The following NEURL3 variants were observed in gnomAD, a reference collection of about 807,000 sequenced individuals.
NEURL3 encodes neuralized E3 ubiquitin protein ligase 3, also known as E3 ubiquitin-protein ligase NEURL3.
NEURL3 carries 19 observed loss-of-function variants against 17.6 expected under a neutral mutation model. The ratio of observed to expected loss-of-function variants is 1.08; its 90% confidence interval spans 0.75 to 1.58. The LOEUF (loss-of-function observed/expected upper bound fraction) is 1.58, where lower values mean the gene tolerates loss of function less well. Among genes scored for constraint, NEURL3 ranks in the 40% most tolerant of loss-of-function variants. The pLI, the probability that NEURL3 is intolerant of heterozygous loss-of-function variation, is 0.00. For synonymous variants in NEURL3, 180 were observed against 161.4 expected (o/e 1.11, Z -0.87); for missense variants, 342 against 379.6 (o/e 0.90, Z 0.82).
At position 96,498,601 on chromosome 2, in the gene NEURL3, AAG is replaced by A; in HGVS notation, c.587-157_587-156del. 1 of 319,436 alleles carries A rather than the reference AAG, an allele frequency of 3.1e-6. No individual in the cohort carries two copies. Among genetic ancestry groups the A allele is most frequent in the Non-Finnish European group, 4.5e-6 (1 of 221,394 alleles). 19.8% of individuals were successfully genotyped at this position (319,436 alleles called of 1,614,324 possible). A position where few individuals can be genotyped will look rare whatever the true frequency, so the allele number is the denominator to read the frequency against. ...GCTTACAGTGTAATCAAGTGAAAAA[AAG>A]GGGGAAGAAAACCATTTTTTATATA... On this transcript the variant is annotated intron_variant, in intron 3 of 3. Transcript: ENST00000451794. The surrounding 1 kb of genome is among the most constrained non-coding windows in gnomAD (Gnocchi z 4.4).
upstream of NEURL3, among the ~76,000 whole-genome samples, chr2:96,506,043 C>T (rs557933569): frequency 6.9e-4 from 105 of 152,288 alleles, no homozygotes; most frequent in African/African-American, 2.3e-3. Context: ...TATTCTAGCC[C>T]GTCAATATTT....
Position 96,498,208 on chromosome 2 carries a change from A to C in NEURL3, c.*36T>G. ...CTCTGCAGGGGCCAGACTCAGATCT[A>C]GGCCCGGGCTGCCACTCATACTGGG... On this transcript the variant is annotated 3_prime_UTR_variant, in exon 4 of 4. Coordinates refer to ENST00000451794, the MANE Select transcript of NEURL3 (RefSeq NM_001285485.2). The surrounding 1 kb of genome is among the most constrained non-coding windows in gnomAD (Gnocchi z 4.4). 6.7e-7 allele frequency: 1 copy of C among 1,500,728 alleles called. No individual in the cohort carries two copies. Among genetic ancestry groups the C allele is most frequent in the Non-Finnish European group, 8.9e-7 (1 of 1,123,256 alleles). 93.0% of individuals were successfully genotyped at this position (1,500,728 alleles called of 1,614,324 possible).
At chr2:96,504,877 C>CAAAAAAAAAAAAAAAA (rs1157285400) in intron 1 of NEURL3, among the ~76,000 whole-genome samples, 845 of 55,234 alleles carry the variant, frequency 0.015, 83 homozygotes, top group East Asian at 0.035. Flanking sequence ...GACTCCGTCT[C>CAAAAAAAAAAAAAAAA]AAAAAAAAAA....
At chr2:96,499,224 A>C in intron 3 of NEURL3, 154 bp downstream of exon 3, 2 of 1,407,682 alleles carry the variant, frequency 1.4e-6, no homozygotes, top group Non-Finnish European at 9.3e-7. Context: ...CAGAGATGCC[A>C]GGTTGCTTTT....
Position 96,499,377 on chromosome 2 carries a change from C to A in NEURL3, c.586+1G>T. 6.3e-7 allele frequency: 1 copy of A among 1,599,458 alleles called. No homozygotes were observed. The highest frequency in any genetic ancestry group is 8.5e-7 in the Non-Finnish European group (1 of 1,179,752). Reference sequence around the variant, plus strand: ...TCCCTGATTCTTGGGAAGGCACTCACCTTTGGGCTCAGGCACAGCCTTGTT... The same window carrying A: ...TCCCTGATTCTTGGGAAGGCACTCAACTTTGGGCTCAGGCACAGCCTTGTT... On this transcript the variant is annotated splice_donor_variant, in intron 3 of 3. Coordinates refer to ENST00000451794, the MANE Select transcript of NEURL3 (RefSeq NM_001285485.2). LOFTEE classifies it high-confidence loss of function.
intron 1 of NEURL3, among the ~76,000 whole-genome samples, chr2:96,501,258 T>C (rs1049739835): frequency 2.6e-4 from 39 of 152,188 alleles, no homozygotes; most frequent in Admixed American, 4.6e-4. Context: ...TCTTGCTGTG[T>C]TGCCCAGGCT....
chr2:96,507,559 G>A (rs1358619144), upstream of NEURL3, among the ~76,000 whole-genome samples: 1 of 152,172 alleles, frequency 6.6e-6, no homozygotes, highest in Non-Finnish European at 1.5e-5. Context: ...CTGCCTCCCA[G>A]GTTCAAGCAA....
Position 96,500,435 on chromosome 2 carries a change from T to G in NEURL3, c.514+4A>C. On this transcript the variant is annotated splice_donor_region_variant and intron_variant, in intron 2 of 3. Coordinates refer to ENST00000451794, the MANE Select transcript of NEURL3 (RefSeq NM_001285485.2). The stretch of plus-strand genomic sequence containing the variant: ...CCCCTGCGGGGTCCCCATGGTCGCC[T>G]CACCCAGCAGCTCGATGGCCTTAGT... The G allele has an allele frequency of 6.3e-7, 1 of 1,597,172 alleles. No individual in the cohort carries two copies. Among genetic ancestry groups the G allele is most frequent in the Non-Finnish European group, 8.5e-7 (1 of 1,179,198 alleles).
intron 1 of NEURL3, among the ~76,000 whole-genome samples, chr2:96,503,342 G>A (rs1473503248): frequency 6.6e-6 from 1 of 152,172 alleles, no homozygotes; most frequent in Non-Finnish European, 1.5e-5. Flanking sequence ...ATGGAGCTAA[G>A]TCCTCATGTC....
At chr2:96,503,468 A>G (rs2065530083) in intron 1 of NEURL3, among the ~76,000 whole-genome samples, 1 of 152,154 alleles carries the variant, frequency 6.6e-6, no homozygotes, top group Non-Finnish European at 1.5e-5. Flanking sequence ...TACCTCGGGC[A>G]GCCCCCTGGG....
intron 1 of NEURL3, chr2:96,504,465 A>T (rs2065541908): frequency 6.6e-6 from 1 of 152,192 alleles, no homozygotes. Context: ...GCCAACTACT[A>T]GTCTGTGAGC....
chr2:96,500,746 C>G lies in NEURL3; in HGVS notation c.207G>C (p.Glu69Asp). Residue 69 changes from glutamate to aspartate, a missense_variant, in exon 2 of 4, where the codon GAG becomes GAC. Glu to Asp is a conservative substitution (Grantham distance 45). Coordinates refer to ENST00000451794, the MANE Select transcript of NEURL3 (RefSeq NM_001285485.2). ...CGCGGAGGCCGCCGCACCAGCCGCT[C>G]TCCTCCCGCAGCACTCGCAGCGCCA... is the stretch of plus-strand genomic sequence containing the variant. ...ERVALRVLREESGWCGGLRVG... is the reference protein window; with the variant it reads ...ERVALRVLREDSGWCGGLRVG... 2 of 1,521,630 alleles carry G rather than the reference C, an allele frequency of 1.3e-6. No homozygotes were observed. Among genetic ancestry groups the G allele is most frequent in the Non-Finnish European group, 1.8e-6 (2 of 1,140,478 alleles). 94.3% of individuals were successfully genotyped at this position (1,521,630 alleles called of 1,614,324 possible). A position where few individuals can be genotyped will look rare whatever the true frequency, so the allele number is the denominator to read the frequency against.
At position 96,498,395 on chromosome 2, in the gene NEURL3, C is replaced by CG. The variant is rs1444656398; in HGVS notation, c.637dup (p.Arg213ProfsTer47). 6.3e-7 allele frequency: 1 copy of CG among 1,599,252 alleles called. No homozygotes were observed. The highest frequency in any genetic ancestry group is 1.1e-5 in the South Asian group (1 of 91,066). The stretch of plus-strand genomic sequence containing the variant: ...GTATGTGTGGCCGCAGGGCACAAGG[C>CG]GGGTGTTGGCAGCGTGATAGAAGCA... On this transcript the variant is annotated frameshift_variant, in exon 4 of 4. Transcript: ENST00000451794. LOFTEE classifies it low-confidence loss of function (END_TRUNC). The surrounding 1 kb of genome is among the most constrained non-coding windows in gnomAD (Gnocchi z 4.4).
At position 96,498,424 on chromosome 2, in the gene NEURL3, G is replaced by A; in HGVS notation, c.609C>T (p.Ala203=). 1.3e-6 allele frequency: 2 copies of A among 1,598,362 alleles called. No individual in the cohort carries two copies. The highest frequency in any genetic ancestry group is 1.7e-6 in the Non-Finnish European group (2 of 1,178,898). The stretch of plus-strand genomic sequence containing the variant: ...TGTTGGCAGCGTGATAGAAGCAGAT[G>A]GCACACTCCTCTCCTGGTGTGGCTG... ...EPKATPGEEC[A]ICFYHAANTR... The change falls in exon 4 of 4, where the codon GCC becomes GCT. Residue 203 remains alanine (A), a synonymous_variant. Transcript: ENST00000451794. The surrounding 1 kb of genome is among the most constrained non-coding windows in gnomAD (Gnocchi z 4.4).
At chr2:96,507,495 C>T (rs781321051), upstream of NEURL3, among the ~76,000 whole-genome samples, 36 of 152,264 alleles carry the variant, frequency 2.4e-4, no homozygotes, top group Middle Eastern at 3.4e-3. Flanking sequence ...GAGGGAGTCT[C>T]GCTCTGTGGC....
At chr2:96,503,868 G>T (rs979862671) in intron 1 of NEURL3, among the ~76,000 whole-genome samples, 1 of 152,254 alleles carries the variant, frequency 6.6e-6, no homozygotes, top group Admixed American at 6.5e-5. Context: ...GTCCCCAGTG[G>T]CTGGGCTGGC....
intron 2 of NEURL3, 73 bp from the exon 3 acceptor site, chr2:96,499,522 C>T: frequency 2.2e-6 from 3 of 1,361,046 alleles, no homozygotes; most frequent in South Asian, 2.4e-5. Flanking sequence ...CCTGGCCCCG[C>T]AGCAAAGTGT....
chr2:96,500,312 A>G, intron 2 of NEURL3, 127 bp downstream of exon 2: 1 of 1,384,282 alleles, frequency 7.2e-7, no homozygotes, highest in Non-Finnish European at 9.8e-7. Flanking sequence ...CTTCACAGCT[A>G]ACACTGGGCA....
Position 96,500,535 on chromosome 2 carries a change from C to G in NEURL3, c.418G>C (p.Gly140Arg). Residue 140 changes from glycine to arginine, a missense_variant, in exon 2 of 4, where the codon GGC (glycine) becomes CGC (arginine). Coordinates refer to ENST00000451794, the MANE Select transcript of NEURL3 (RefSeq NM_001285485.2). ...CCCTCACGCAGCAGGAGCCGGCAGC[C>G]GGCGTTGACCTTGGCGAAGAGGCAG... is the stretch of plus-strand genomic sequence containing the variant. The part of the protein sequence containing the change: ...RGCLFAKVNA[G>R]CRLLLREGVP... The G allele has an allele frequency of 1.3e-6, 2 of 1,575,416 alleles. No individual in the cohort carries two copies. The highest frequency in any genetic ancestry group is 1.3e-5 in the African/African-American group (1 of 74,426).
Sources: gnomAD v4.1 joint callset for allele counts (sites outside exome capture counted in the v4.1 genomes callset) on GRCh38, gnomAD v4.1.1 for gene constraint, Gnocchi (gnomAD v3.1) non-coding constraint, MANE v1.5 for transcripts, NCBI Gene and HGNC (gene_info 2026-07-23, HGNC 2026-07-21) for gene names.